The following AASS variants were observed in gnomAD, a reference collection of about 807,000 sequenced individuals.
The protein encoded by AASS is alpha-aminoadipic semialdehyde synthase, mitochondrial.
AASS carries 86 observed loss-of-function variants against 105.4 expected under a neutral mutation model. The observed-to-expected ratio is 0.82, with a 90% CI of 0.69 to 0.98. The LOEUF is 0.98. AASS is among the 50% of genes least tolerant of loss of function. The pLI, the probability that AASS is intolerant of heterozygous loss-of-function variation, is 0.00. For synonymous variants in AASS, 381 were observed against 394.8 expected (o/e 0.96, Z 0.41); for missense variants, 1,048 against 1,143.2 (o/e 0.92, Z 1.20).
rs1423430476 is a variant in AASS at position 122,113,627 on chromosome 7, A to G, written c.1137T>C (p.Tyr379=). 1 of 1,613,656 alleles carries G rather than the reference A, an allele frequency of 6.2e-7. No individual in the cohort carries two copies. The highest frequency in any genetic ancestry group is 8.5e-7 in the Non-Finnish European group (1 of 1,179,932). ...CATGAATAATATGCTGGTCTGCATC[A>G]TACATGCAAAAGGGATGCTCTATTG... is the stretch of plus-strand genomic sequence containing the variant. ...CTTIEHPFCM[Y]DADQHIIHDS... The change falls in exon 10 of 24, where the codon TAT becomes TAC. Residue 379 remains tyrosine (Y), a synonymous_variant. Coordinates refer to ENST00000417368, the MANE Select transcript of AASS (RefSeq NM_005763.4).
rs1168367735 is a variant in AASS at position 122,133,609 on chromosome 7, C to G, written c.118G>C (p.Ala40Pro). Residue 40 changes from alanine (A) to proline (P), a missense_variant, in exon 2 of 24, where the codon GCC becomes CCC. Physicochemically the swap from Ala to Pro is conservative, Grantham distance 27. Transcript: ENST00000417368. ...REDVNAWERR[A>P]PLAPKHIKGI... ...TTGATGTGCTTGGGAGCTAGCGGGG[C>G]CCTTCTCTCCCAGGCGTTCACATCC... is the stretch of plus-strand genomic sequence containing the variant. 2 of 1,614,164 alleles carry G rather than the reference C, an allele frequency of 1.2e-6. No homozygotes were observed.
At chr7:122,124,327 G>C (rs961119453) in intron 4 of AASS, among the ~76,000 whole-genome samples, 1 of 152,132 alleles carries the variant, frequency 6.6e-6, no homozygotes, top group Non-Finnish European at 1.5e-5. Context: ...CTGTCTCCCA[G>C]GCTGGAGTGC....
intron 22 of AASS, 136 bp from the exon 23 acceptor site, chr7:122,078,150 C>G: frequency 1.2e-6 from 1 of 830,706 alleles, no homozygotes; most frequent in Non-Finnish European, 2.0e-6. Context: ...ATTTACACAG[C>G]TTTTTAGCCC....
At chr7:122,095,121 T>C (rs1440738839) in intron 15 of AASS, among the ~76,000 whole-genome samples, 2 of 152,100 alleles carry the variant, frequency 1.3e-5, no homozygotes, top group African/African-American at 4.8e-5. Flanking sequence ...CATTCATCCC[T>C]ATATTTCTAC....
Position 122,083,338 on chromosome 7 carries a change from A to C in AASS, c.2185-1743T>G, listed in dbSNP as rs78657423. 3.9e-4 allele frequency among the ~76,000 whole-genome samples: 59 copies of C among 152,284 alleles called. No homozygotes were observed. The East Asian group carries it at 8.9e-3, about 23-fold the overall frequency. ...CCTGATAGGTGCTAGAGATCCCTTT[A>C]TCCAACATCTAAAATACTGATTTCT... On this transcript the variant is annotated intron_variant, in intron 19 of 23. Coordinates refer to ENST00000417368, the MANE Select transcript of AASS (RefSeq NM_005763.4).
intron 19 of AASS, among the ~76,000 whole-genome samples, chr7:122,083,927 C>T (rs565475934): frequency 5.9e-5 from 9 of 152,192 alleles, no homozygotes; most frequent in East Asian, 5.8e-4. Flanking sequence ...CTCATGATTA[C>T]GAACACTGTG....
intron 18 of AASS, 64 bp from the exon 19 acceptor site, chr7:122,086,243 C>A: frequency 3.4e-6 from 5 of 1,461,686 alleles, no homozygotes; most frequent in Non-Finnish European, 4.7e-6. Context: ...GGCTTATCTG[C>A]ATTATACGAA....
chr7:122,113,295 AT>A (rs1433103254), intron 10 of AASS, 66 bp from the exon 11 acceptor site: 1 of 1,351,462 alleles, frequency 7.4e-7, no homozygotes, highest in Non-Finnish European at 1.1e-6. Context: ...ACTTTTCCAG[AT>A]GTCTACTCCA....
At chr7:122,139,590 T>A (rs991397031) in intron 1 of AASS, among the ~76,000 whole-genome samples, 1 of 152,196 alleles carries the variant, frequency 6.6e-6, no homozygotes, top group Non-Finnish European at 1.5e-5. Flanking sequence ...CTGTTCTCGT[T>A]GGTATAACTT....
intron 11 of AASS, among the ~76,000 whole-genome samples, chr7:122,112,283 T>A (rs576153445): frequency 1.3e-5 from 2 of 152,360 alleles, no homozygotes; most frequent in South Asian, 2.1e-4. Flanking sequence ...GTAGGTGCAA[T>A]ATCATGTCTA....
At chr7:122,129,284 A>G in intron 3 of AASS, 77 bp downstream of exon 3, 1 of 966,550 alleles carries the variant, frequency 1.0e-6, no homozygotes, top group Non-Finnish European at 1.5e-6. Flanking sequence ...AAAGAAGACT[A>G]AAACTCCATT....
chr7:122,077,763 T>TTAC, intron 23 of AASS, 75 bp downstream of exon 23: 1 of 1,552,140 alleles, frequency 6.4e-7, no homozygotes, highest in South Asian at 1.1e-5. Context: ...TCAAGAGCAA[T>TTAC]TACTTGATGT....
chr7:122,113,217 C>T lies in AASS; in HGVS notation c.1179G>A (p.Ser393=), dbSNP rs139733515. 108 of 1,613,894 alleles carry T rather than the reference C, an allele frequency of 6.7e-5. No homozygotes were observed. In the African/African-American group the frequency reaches 1.0e-3, roughly 15 times the overall value. Reference sequence around the variant, plus strand: ...TGTCAATGGAACACATCAGGATCCCCGAGCCTTCAACACTAAAAGCAGCAA... The same window carrying T: ...TGTCAATGGAACACATCAGGATCCCTGAGCCTTCAACACTAAAAGCAGCAA... ...QHIIHDSVEG[S]GILMCSIDNL... is the part of the protein sequence containing the mutation. Residue 393 remains serine, a synonymous_variant, in exon 11 of 24, where the codon TCG becomes TCA. Transcript: ENST00000417368.
chr7:122,116,456 CG>C (rs1348500044), intron 8 of AASS, among the ~76,000 whole-genome samples, 176 bp downstream of exon 8: 3 of 152,092 alleles, frequency 2.0e-5, no homozygotes, highest in African/African-American at 7.2e-5. Flanking sequence ...AAGCACTAAG[CG>C]AGACTACTCC....
At chr7:122,118,498 A>AT (rs768467405) in intron 5 of AASS, 45 bp from the exon 6 acceptor site, 29 of 1,613,772 alleles carry the variant, frequency 1.8e-5, no homozygotes, top group African/African-American at 1.7e-4. Context: ...CCAGCTCAGC[A>AT]TTTTTTTTAT....
At chr7:122,093,662 T>C (rs977262133) in intron 15 of AASS, among the ~76,000 whole-genome samples, 5 of 151,956 alleles carry the variant, frequency 3.3e-5, no homozygotes, top group Non-Finnish European at 5.9e-5. Flanking sequence ...ATACAAAAAT[T>C]GGCCCAGCAT....
intron 2 of AASS, among the ~76,000 whole-genome samples, chr7:122,130,805 T>C (rs1046073402): frequency 3.8e-4 from 58 of 152,002 alleles, no homozygotes; most frequent in African/African-American, 1.4e-3. Flanking sequence ...TTTTCTCATT[T>C]GTAGTAGATT....
In AASS at chr7:122,091,711, C is replaced by A. The variant is rs146607857; in HGVS notation, c.2008G>T (p.Asp670Tyr). Residue 670 changes from aspartate to tyrosine, a missense_variant, in exon 18 of 24, where the codon GAT becomes TAT. Asp to Tyr is a radical substitution (Grantham distance 160, BLOSUM62 -3). Coordinates refer to ENST00000417368, the MANE Select transcript of AASS (RefSeq NM_005763.4). ...TGGATAAGATTCCTCACCTTTCCAT[C>A]GAGCAGATAGGTGGCAGACTGCATT... is the stretch of plus-strand genomic sequence containing the variant. ...NVMQSATYLL[D>Y]GKVVNVAGGI... 1 of 1,613,252 alleles carries A rather than the reference C, an allele frequency of 6.2e-7. No individual in the cohort carries two copies. The highest frequency in any genetic ancestry group is 1.3e-5 in the African/African-American group (1 of 74,878).
chr7:122,089,545 CTT>C (rs931322189), intron 18 of AASS, among the ~76,000 whole-genome samples: 2 of 152,172 alleles, frequency 1.3e-5, no homozygotes, highest in East Asian at 1.9e-4. Flanking sequence ...AAAATAACCT[CTT>C]GTTTGTCTTA....
Sources: gnomAD v4.1 joint callset for allele counts (sites outside exome capture counted in the v4.1 genomes callset) on GRCh38, gnomAD v4.1.1 for gene constraint, MANE v1.5 for transcripts, NCBI Gene and HGNC (gene_info 2026-07-23, HGNC 2026-07-21) for gene names.